Variants in NAA11 observed in about 807,000 individuals in gnomAD.
NAA11 encodes the protein N-alpha-acetyltransferase 11, NatA catalytic subunit.
In NAA11, 15 loss-of-function variants were observed where a neutral mutation model predicts 16.1. The observed-to-expected ratio is 0.93, with a 90% CI of 0.62 to 1.44. The LOEUF is 1.44. Ranked by LOEUF, NAA11 falls within the 40% of genes most tolerant of loss-of-function variation. The pLI is 0.00. For missense variants in NAA11, 298 were observed against 291.3 expected (o/e 1.02, Z -0.17); for synonymous variants, 122 against 112.4 (o/e 1.09, Z -0.54).
the NAA11 span, among the ~76,000 whole-genome samples, chr4:79,163,271 C>T: frequency 0.14 from 20,850 of 152,154 alleles, 1,563 homozygotes; most frequent in Middle Eastern, 0.19. Context: ...ATGTGCATTT[C>T]CGCAGTTGTA....
the NAA11 span, among the ~76,000 whole-genome samples, chr4:79,156,621 A>G: frequency 6.6e-6 from 1 of 152,174 alleles, no homozygotes; most frequent in Non-Finnish European, 1.5e-5. Flanking sequence ...AGAGTTCACC[A>G]ATTTAAATGT....
At chr4:79,266,095 C>T (rs1458415026) in intron 2 of NAA11, among the ~76,000 whole-genome samples, 1 of 152,166 alleles carries the variant, frequency 6.6e-6, no homozygotes, top group Non-Finnish European at 1.5e-5. Flanking sequence ...TCCCACCCAC[C>T]TGCCCTCATA....
chr4:79,231,398 A>T (rs921113654), intron 2 of NAA11, among the ~76,000 whole-genome samples: 1 of 151,920 alleles, frequency 6.6e-6, no homozygotes, highest in Admixed American at 6.6e-5. Flanking sequence ...TGTCCTCCCT[A>T]GTTACACTGG....
At chr4:79,195,087 T>G in the NAA11 span, among the ~76,000 whole-genome samples, 1 of 152,108 alleles carries the variant, frequency 6.6e-6, no homozygotes, top group Admixed American at 6.6e-5. Flanking sequence ...AGTGAGAGAT[T>G]CAATTAAAAT....
chr4:79,265,010 G>T (rs1722313332), intron 2 of NAA11, among the ~76,000 whole-genome samples: 1 of 152,258 alleles, frequency 6.6e-6, no homozygotes, highest in Non-Finnish European at 1.5e-5. Context: ...GACTTAAAGT[G>T]TCTAAACTAT....
the NAA11 span, among the ~76,000 whole-genome samples, chr4:79,192,907 A>G: frequency 3.9e-5 from 6 of 152,058 alleles, no homozygotes; most frequent in Non-Finnish European, 7.4e-5. Context: ...CTGACTTTTT[A>G]ATGATCGCCA....
chr4:79,224,033 C>G (rs953062687), downstream of NAA11, among the ~76,000 whole-genome samples: 1 of 152,152 alleles, frequency 6.6e-6, no homozygotes. Flanking sequence ...AAGCAAACAA[C>G]TCTTCATAGG....
chr4:79,186,413 A>T, the NAA11 span, among the ~76,000 whole-genome samples: 2 of 152,214 alleles, frequency 1.3e-5, no homozygotes, highest in South Asian at 4.1e-4. Context: ...AATTCACCAG[A>T]TGATAGGGGA....
the NAA11 span, among the ~76,000 whole-genome samples, chr4:79,185,792 G>C: frequency 6.6e-6 from 1 of 151,950 alleles, no homozygotes; most frequent in Non-Finnish European, 1.5e-5. Context: ...CAGAAGCCTG[G>C]CAGGAAACTC....
the NAA11 span, among the ~76,000 whole-genome samples, chr4:79,157,663 G>C: frequency 6.6e-6 from 1 of 151,168 alleles, no homozygotes; most frequent in Non-Finnish European, 1.5e-5. Context: ...GCATAAAAGG[G>C]ACATACCTCG....
Position 79,304,010 on chromosome 4 carries a change from C to T in NAA11, c.*13-9896G>A, listed in dbSNP as rs188055477. ...TTGTTATTTTTCCTCTGCTCTATGGCATACTTTTCTTAGTGACAGCTCGAC... is the reference window on the plus strand; with the variant it reads ...TTGTTATTTTTCCTCTGCTCTATGGTATACTTTTCTTAGTGACAGCTCGAC... On this transcript the variant is annotated intron_variant and NMD_transcript_variant, in intron 1 of 2. Coordinates refer to the NAA11 transcript ENST00000511542. Among the ~76,000 whole-genome samples, 2 of 152,262 alleles carry T rather than the reference C, an allele frequency of 1.3e-5. 1 individual carries two copies. The highest frequency in any genetic ancestry group is 3.9e-4 in the East Asian group (2 of 5,182).
chr4:79,244,275 C>T (rs962819466), intron 2 of NAA11, among the ~76,000 whole-genome samples: 2 of 152,200 alleles, frequency 1.3e-5, no homozygotes, highest in African/African-American at 4.8e-5. Flanking sequence ...CTGCCCTGCT[C>T]ATGCCTAACT....
intron 2 of NAA11, among the ~76,000 whole-genome samples, chr4:79,252,046 G>C (rs1465974440): frequency 6.6e-6 from 1 of 152,128 alleles, no homozygotes; most frequent in East Asian, 1.9e-4. Context: ...AAACTTAGAT[G>C]GAACTTGGGA....
chr4:79,325,042 T>C (rs1724216323), intron 1 of NAA11, 134 bp downstream of exon 1: 1 of 728,104 alleles, frequency 1.4e-6, no homozygotes, highest in African/African-American at 1.8e-5. Flanking sequence ...AACTTCTCCC[T>C]AAGGTCACCA....
At chr4:79,190,456 C>CTTTT in the NAA11 span, among the ~76,000 whole-genome samples, 1 of 142,574 alleles carries the variant, frequency 7.0e-6, no homozygotes, top group African/African-American at 2.7e-5. Context: ...TTGTCTCTCC[C>CTTTT]TTTTTTTTTT....
chr4:79,224,851 T>A (rs1171749747), downstream of NAA11, among the ~76,000 whole-genome samples: 1 of 152,046 alleles, frequency 6.6e-6, no homozygotes, highest in Non-Finnish European at 1.5e-5. Flanking sequence ...TTCTAAAAAT[T>A]CACAGCCCTG....
At chr4:79,188,021 AAAG>A in the NAA11 span, among the ~76,000 whole-genome samples, 1 of 150,730 alleles carries the variant, frequency 6.6e-6, no homozygotes, top group East Asian at 1.9e-4. Flanking sequence ...AAAAAAAAAA[AAAG>A]AAATACTTGT....
At chr4:79,195,136 G>A in the NAA11 span, among the ~76,000 whole-genome samples, 2 of 152,108 alleles carry the variant, frequency 1.3e-5, no homozygotes, top group Non-Finnish European at 2.9e-5. Context: ...TGTTTTTGGT[G>A]AGAGATGAAA....
the NAA11 span, among the ~76,000 whole-genome samples, chr4:79,210,215 G>C: frequency 6.6e-6 from 1 of 152,058 alleles, no homozygotes; most frequent in East Asian, 1.9e-4. Flanking sequence ...TACAGGTTAG[G>C]GCTAAGCAGT....
Sources: allele counts gnomAD v4.1 joint callset (sites outside exome capture counted in the v4.1 genomes callset), GRCh38; gene constraint gnomAD v4.1.1; transcripts MANE v1.5; gene names NCBI Gene and HGNC (gene_info 2026-07-23, HGNC 2026-07-21).